TICAM2: variants seen among roughly 807,000 people sequenced by gnomAD.
TICAM2 encodes TIR domain-containing adapter molecule 2.
Under a neutral mutation model 7.3 loss-of-function variants are expected in TICAM2, and 8 were observed. The observed-to-expected ratio is 1.10, with a 90% CI of 0.65 to 1.99. The LOEUF (loss-of-function observed/expected upper bound fraction) is 1.99. Among genes scored for constraint, TICAM2 ranks in the 30% most tolerant of loss-of-function variants. The pLI, the probability that TICAM2 is intolerant of heterozygous loss-of-function variation, is 0.00. For missense variants in TICAM2, 304 were observed against 278.8 expected (o/e 1.09, Z -0.65); for synonymous variants, 113 against 99.6 (o/e 1.13, Z -0.80).
intron 1 of TICAM2, among the ~76,000 whole-genome samples, chr5:115,593,873 GACACGATGTACA>G: frequency 6.6e-6 from 1 of 152,276 alleles, no homozygotes; most frequent in Non-Finnish European, 1.5e-5. Flanking sequence ...AACATATATG[GACACGATGTACA>G]ACAAAAGAGG....
intron 1 of TICAM2, 121 bp from the exon 2 acceptor site, chr5:115,581,436 G>A (rs1379029937): frequency 1.2e-5 from 14 of 1,161,206 alleles, no homozygotes; most frequent in African/African-American, 1.6e-5. Context: ...ATACATAAAC[G>A]ACAAACAGAT....
intron 1 of TICAM2, among the ~76,000 whole-genome samples, chr5:115,590,446 C>T (rs1755259323): frequency 6.6e-6 from 1 of 152,210 alleles, no homozygotes; most frequent in Non-Finnish European, 1.5e-5. Flanking sequence ...TTCCACAGTG[C>T]TTCCCATACC....
At chr5:115,586,589 T>C (rs762149076) in intron 1 of TICAM2, among the ~76,000 whole-genome samples, 1 of 152,188 alleles carries the variant, frequency 6.6e-6, no homozygotes, top group African/African-American at 2.4e-5. Flanking sequence ...AATGCTTATA[T>C]GACTGGTCAA....
chr5:115,587,363 G>A (rs191507348), intron 1 of TICAM2, among the ~76,000 whole-genome samples: 33 of 152,266 alleles, frequency 2.2e-4, no homozygotes, highest in African/African-American at 7.7e-4. Flanking sequence ...TAGAGAGAAG[G>A]TGAGTGCACT....
chr5:115,598,436 C>G (rs191022688), intron 1 of TICAM2, among the ~76,000 whole-genome samples: 1 of 152,158 alleles, frequency 6.6e-6, no homozygotes, highest in Non-Finnish European at 1.5e-5. Flanking sequence ...TCATCTTCAT[C>G]GTACCTAAAA....
intron 1 of TICAM2, among the ~76,000 whole-genome samples, chr5:115,584,344 CG>C (rs1401568310): frequency 1.3e-5 from 2 of 152,088 alleles, no homozygotes; most frequent in African/African-American, 4.8e-5. Context: ...CAGAGCTTTC[CG>C]TAACAGCGCA....
rs147054403 is a variant in TICAM2, at chr5:115,601,382, G to A, written c.-60+715C>T. Among the ~76,000 whole-genome samples, 625 of 151,814 alleles carry A rather than the reference G, an allele frequency of 4.1e-3. 1 individual carries two copies. Among genetic ancestry groups the A allele is most frequent in the Non-Finnish European group, 6.8e-3 (464 of 67,912 alleles). On this transcript the variant is annotated intron_variant, in intron 1 of 1. Transcript: ENST00000427199. ...AGTCCCAAATGCGTCTTACCATCAGGCTTGTTTGAAAAACACTAATCTAAG... is the reference window on the plus strand; with the variant it reads ...AGTCCCAAATGCGTCTTACCATCAGACTTGTTTGAAAAACACTAATCTAAG...
chr5:115,597,091 T>C (rs561557800), intron 1 of TICAM2, among the ~76,000 whole-genome samples: 2 of 152,352 alleles, frequency 1.3e-5, no homozygotes, highest in East Asian at 1.9e-4. Flanking sequence ...AAAACAATTA[T>C]GTAAACCTCC....
chr5:115,592,874 G>A (rs961130850), intron 1 of TICAM2, among the ~76,000 whole-genome samples: 81 of 152,224 alleles, frequency 5.3e-4, no homozygotes, highest in African/African-American at 3.6e-4. Context: ...TGGGTGTGGT[G>A]GCTCACGCCT....
intron 1 of TICAM2, among the ~76,000 whole-genome samples, chr5:115,584,789 G>C (rs1338972719): frequency 6.6e-6 from 1 of 152,074 alleles, no homozygotes; most frequent in African/African-American, 2.4e-5. Context: ...TTAAACTAAA[G>C]TTCTGAAGGG....
intron 1 of TICAM2, among the ~76,000 whole-genome samples, chr5:115,584,910 G>T (rs1175410530): frequency 1.3e-5 from 2 of 151,892 alleles, no homozygotes; most frequent in African/African-American, 4.8e-5. Flanking sequence ...GAAGAGGAAT[G>T]AAAAAAACAA....
At chr5:115,598,088 A>G (rs1755581583) in intron 1 of TICAM2, among the ~76,000 whole-genome samples, 1 of 152,236 alleles carries the variant, frequency 6.6e-6, no homozygotes, top group South Asian at 2.1e-4. Flanking sequence ...CACAGTCTGA[A>G]AAAATAGTTT....
chr5:115,593,560 C>T (rs1008388085), intron 1 of TICAM2, among the ~76,000 whole-genome samples: 3 of 152,232 alleles, frequency 2.0e-5, no homozygotes, highest in African/African-American at 7.2e-5. Context: ...ATGTTTATTA[C>T]TTGAAATATT....
intron 1 of TICAM2, among the ~76,000 whole-genome samples, chr5:115,587,509 G>A (rs1456502591): frequency 6.6e-6 from 1 of 152,182 alleles, no homozygotes; most frequent in African/African-American, 2.4e-5. Flanking sequence ...AGAACAATTA[G>A]TTAAGAGGCT....
chr5:115,578,523 A>T lies in TICAM2; in HGVS notation c.*2026T>A, dbSNP rs1754802981. 6.6e-6 allele frequency: 1 copy of T among 152,192 alleles called. No individual in the cohort carries two copies. Among genetic ancestry groups the T allele is most frequent in the African/African-American group, 2.4e-5 (1 of 41,464 alleles). The allele number at this position is 152,192 out of a possible 1,614,324, so 9.4% of individuals were successfully genotyped here. A position where few individuals can be genotyped will look rare whatever the true frequency, so the allele number is the denominator to read the frequency against. ...AACATTTTTCTTTATCATAAAAAAA[A>T]TATGGAACTCCAAATTGGGTGAGAC... On this transcript the variant is annotated 3_prime_UTR_variant, in exon 2 of 2. Transcript: ENST00000427199.
chr5:115,596,901 A>G (rs1755533756), intron 1 of TICAM2, among the ~76,000 whole-genome samples: 1 of 152,168 alleles, frequency 6.6e-6, no homozygotes, highest in African/African-American at 2.4e-5. Context: ...AGCCTGGGAG[A>G]CAGTGAGACT....
chr5:115,593,869 T>C (rs1755406318), intron 1 of TICAM2, among the ~76,000 whole-genome samples: 1 of 152,158 alleles, frequency 6.6e-6, no homozygotes, highest in East Asian at 1.9e-4. Flanking sequence ...TCCAAACATA[T>C]ATGGACACGA....
At chr5:115,592,041 G>C (rs987676863) in intron 1 of TICAM2, among the ~76,000 whole-genome samples, 1 of 152,096 alleles carries the variant, frequency 6.6e-6, no homozygotes, top group Admixed American at 6.5e-5. Flanking sequence ...AACAGCAAGA[G>C]AAAATAGATT....
At chr5:115,596,666 TC>T (rs1239500214) in intron 1 of TICAM2, among the ~76,000 whole-genome samples, 1 of 152,180 alleles carries the variant, frequency 6.6e-6, no homozygotes, top group Non-Finnish European at 1.5e-5. Context: ...ACGCCTGTAA[TC>T]CCAGCACTTT....
Sources: allele counts gnomAD v4.1 joint callset (sites outside exome capture counted in the v4.1 genomes callset), GRCh38; gene constraint gnomAD v4.1.1; transcripts MANE v1.5; gene names NCBI Gene and HGNC (gene_info 2026-07-23, HGNC 2026-07-21).